Variants in GULP1 observed in about 807,000 individuals in gnomAD.
GULP1 encodes PTB domain-containing engulfment adapter protein 1.
GULP1 carries 19 observed loss-of-function variants against 40.9 expected under a neutral mutation model. The observed-to-expected ratio is 0.46, with a 90% confidence interval of 0.32 to 0.68. The LOEUF (loss-of-function observed/expected upper bound fraction) is 0.68, where lower values mean the gene tolerates loss of function less well. Among genes scored for constraint, GULP1 ranks in the 30% least tolerant of loss-of-function variants. The probability of loss-of-function intolerance (pLI) is 0.03; values close to 1 mark genes in which losing one functional copy is unlikely to be tolerated. For synonymous variants in GULP1, 119 were observed against 117.6 expected, an observed-to-expected ratio of 1.01 and a Z score of -0.08; for missense variants, 312 against 362.2, an observed-to-expected ratio of 0.86 and a Z score of 1.12.
chr2:188,328,103 CT>C (rs1559115384), intron 1 of GULP1, among the ~76,000 whole-genome samples: 1 of 152,006 alleles, frequency 6.6e-6, no homozygotes, highest in Non-Finnish European at 1.5e-5. Context: ...CCACTTTGAT[CT>C]AGAATTGGAG....
intron 2 of GULP1, among the ~76,000 whole-genome samples, chr2:188,475,197 T>C (rs1396728376): frequency 3.3e-5 from 5 of 152,132 alleles, no homozygotes; most frequent in African/African-American, 4.8e-5. Context: ...TCAAATAAAA[T>C]GCTAAGAAGT....
intron 2 of GULP1, among the ~76,000 whole-genome samples, chr2:188,436,869 A>T (rs775653899): frequency 5.3e-5 from 8 of 152,106 alleles, no homozygotes; most frequent in Non-Finnish European, 8.8e-5. Flanking sequence ...AACTATTTTA[A>T]TAGGTGCTGT....
At chr2:188,567,217 G>A (rs1697931526) in intron 7 of GULP1, among the ~76,000 whole-genome samples, 2 of 152,292 alleles carry the variant, frequency 1.3e-5, no homozygotes, top group African/African-American at 4.8e-5. Context: ...GTGGAAGACA[G>A]TGTGGCGATT....
chr2:188,544,064 C>G (rs898941859), intron 7 of GULP1, among the ~76,000 whole-genome samples: 17 of 152,180 alleles, frequency 1.1e-4, no homozygotes, highest in African/African-American at 4.1e-4. Context: ...GAATGCTGAG[C>G]TTCTATACTT....
At chr2:188,468,879 A>T (rs1339852820) in intron 2 of GULP1, among the ~76,000 whole-genome samples, 1 of 152,172 alleles carries the variant, frequency 6.6e-6, no homozygotes, top group Non-Finnish European at 1.5e-5. Flanking sequence ...AAGATCAGCA[A>T]GTGTCTCAAA....
intron 2 of GULP1, among the ~76,000 whole-genome samples, chr2:188,399,154 A>G (rs1351036817): frequency 6.6e-6 from 1 of 152,198 alleles, no homozygotes; most frequent in African/African-American, 2.4e-5. Context: ...TAAACAAAAA[A>G]TGCATTTTGC....
chr2:188,495,655 G>A (rs1345718899), intron 4 of GULP1, among the ~76,000 whole-genome samples: 1 of 151,976 alleles, frequency 6.6e-6, no homozygotes, highest in Admixed American at 6.6e-5. Flanking sequence ...GGCAAGCCTA[G>A]TATTTAACTC....
At chr2:188,360,314 A>G (rs2045918103) in intron 1 of GULP1, among the ~76,000 whole-genome samples, 2 of 152,168 alleles carry the variant, frequency 1.3e-5, no homozygotes, top group East Asian at 3.9e-4. Context: ...CAAAAAGTCT[A>G]TAGCTACCTA....
chr2:188,584,425 A>G (rs1465733117), intron 10 of GULP1, 22 bp downstream of exon 10: 4 of 1,482,234 alleles, frequency 2.7e-6, no homozygotes, highest in Non-Finnish European at 2.8e-6. Flanking sequence ...CAACAAATCA[A>G]AGTTTCTTGT....
intron 7 of GULP1, among the ~76,000 whole-genome samples, chr2:188,554,556 G>A (rs1694286455): frequency 6.6e-6 from 1 of 150,746 alleles, no homozygotes; most frequent in Non-Finnish European, 1.5e-5. Flanking sequence ...CTTGTTTTGT[G>A]GCCTAATATA....
chr2:188,466,788 C>T (rs1299946410), intron 2 of GULP1, among the ~76,000 whole-genome samples: 1 of 152,120 alleles, frequency 6.6e-6, no homozygotes, highest in Non-Finnish European at 1.5e-5. Flanking sequence ...AGCATCTCAT[C>T]TTTGCTGTCT....
chr2:188,357,699 A>C (rs1449068973), intron 1 of GULP1, among the ~76,000 whole-genome samples: 3 of 152,182 alleles, frequency 2.0e-5, no homozygotes, highest in African/African-American at 7.2e-5. Flanking sequence ...ACTACTGGGT[A>C]TATCTAAAGG....
At chr2:188,319,344 C>T (rs1342715935) in intron 1 of GULP1, among the ~76,000 whole-genome samples, 1 of 152,040 alleles carries the variant, frequency 6.6e-6, no homozygotes, top group Non-Finnish European at 1.5e-5. Context: ...GAGGTAAAAA[C>T]AATAGTTTAG....
intron 4 of GULP1, among the ~76,000 whole-genome samples, chr2:188,522,321 GA>G (rs1181506918): frequency 5.3e-5 from 8 of 151,272 alleles, no homozygotes; most frequent in South Asian, 2.1e-4. Flanking sequence ...AGAGACGTGA[GA>G]AAAAAAAGAA....
At chr2:188,500,275 T>C (rs1012124689) in intron 4 of GULP1, among the ~76,000 whole-genome samples, 1 of 151,876 alleles carries the variant, frequency 6.6e-6, no homozygotes, top group Non-Finnish European at 1.5e-5. Context: ...CTGGGAAATA[T>C]AAGGTTACTT....
intron 4 of GULP1, among the ~76,000 whole-genome samples, chr2:188,517,984 C>T (rs1259206203): frequency 2.6e-5 from 4 of 151,936 alleles, no homozygotes; most frequent in Admixed American, 6.6e-5. Context: ...TCCCTGGTCA[C>T]GGCATGATTC....
At chr2:188,510,571 T>C (rs1203320427) in intron 4 of GULP1, among the ~76,000 whole-genome samples, 1 of 151,968 alleles carries the variant, frequency 6.6e-6, no homozygotes, top group African/African-American at 2.4e-5. Context: ...CCAAAACTTA[T>C]AAAGCAACTA....
chr2:188,588,138 G>T, intron 11 of GULP1, 189 bp downstream of exon 11: 1 of 594,410 alleles, frequency 1.7e-6, no homozygotes, highest in Non-Finnish European at 3.1e-6. Context: ...TAAGGATAAG[G>T]TTGTTGGTTT....
intron 7 of GULP1, among the ~76,000 whole-genome samples, chr2:188,546,104 G>A (rs1313958179): frequency 6.6e-6 from 1 of 151,870 alleles, no homozygotes; most frequent in Non-Finnish European, 1.5e-5. Flanking sequence ...AGAACTAAAA[G>A]AGTAAATAGA....
Sources: allele counts gnomAD v4.1 joint callset (sites outside exome capture counted in the v4.1 genomes callset), GRCh38; gene constraint gnomAD v4.1.1; transcripts MANE v1.5; gene names NCBI Gene and HGNC (gene_info 2026-07-23, HGNC 2026-07-21).